DOCK4: variants seen among roughly 807,000 people sequenced by gnomAD.
The protein encoded by DOCK4 is dedicator of cytokinesis 4, also known as dedicator of cytokinesis protein 4.
Under a neutral mutation model 268.1 loss-of-function variants are expected in DOCK4, and 97 were observed. The ratio of observed to expected loss-of-function variants is 0.36; its 90% CI spans 0.31 to 0.43. The LOEUF is 0.43. Among genes scored for constraint, DOCK4 ranks in the 20% least tolerant of loss-of-function variants. The probability of loss-of-function intolerance (pLI) is 1.00; values close to 1 mark genes in which losing one functional copy is unlikely to be tolerated. For synonymous variants in DOCK4, 954 were observed against 887.2 expected (o/e 1.08, Z -1.34); for missense variants, 2,145 against 2,455.7 (o/e 0.87, Z 2.67).
At chr7:111,976,868 T>C (rs2135122517) in intron 8 of DOCK4, 1 of 292,646 alleles carries the variant, frequency 3.4e-6, no homozygotes, top group Non-Finnish European at 6.3e-6. Flanking sequence ...AAATAACAGA[T>C]TTGATATCCA....
intron 39 of DOCK4, among the ~76,000 whole-genome samples, chr7:111,760,738 T>TGTGTGTGTG (rs1797341789): frequency 1.5e-5 from 2 of 136,910 alleles, no homozygotes; most frequent in African/African-American, 5.6e-5. Flanking sequence ...TGTCTGCTTT[T>TGTGTGTGTG]TGTGTGTGTG....
intron 26 of DOCK4, among the ~76,000 whole-genome samples, chr7:111,828,122 A>G (rs1057352732): frequency 6.6e-6 from 1 of 152,134 alleles, no homozygotes; most frequent in Non-Finnish European, 1.5e-5. Context: ...AACATTACTG[A>G]CAACAGAAGG....
chr7:111,945,358 G>T (rs1217396871), intron 9 of DOCK4, among the ~76,000 whole-genome samples: 1 of 152,124 alleles, frequency 6.6e-6, no homozygotes, highest in Non-Finnish European at 1.5e-5. Context: ...GCTAATTTTT[G>T]TATTTTTAGT....
In DOCK4 at chr7:111,945,805, G is replaced by A; in HGVS notation, c.702-7C>T. On this transcript the variant is annotated splice_region_variant and splice_polypyrimidine_tract_variant and intron_variant, in intron 8 of 52. Transcript: ENST00000428084. ...CCTCAAGAAAAATCTCTCACTACAA[G>A]AGAAAAAATGTTTAACAATTTGAAA... 1 of 1,568,594 alleles carries A rather than the reference G, an allele frequency of 6.4e-7. No individual in the cohort carries two copies. Among genetic ancestry groups the A allele is most frequent in the Non-Finnish European group, 8.7e-7 (1 of 1,155,668 alleles).
chr7:111,743,345 G>T (rs10262913), intron 44 of DOCK4, among the ~76,000 whole-genome samples: 5 of 152,306 alleles, frequency 3.3e-5, no homozygotes, highest in African/African-American at 1.2e-4. Context: ...TGAAAGCTCA[G>T]GTCAAACAGG....
At chr7:111,752,584 T>G (rs1470235688) in intron 42 of DOCK4, among the ~76,000 whole-genome samples, 2 of 126,306 alleles carry the variant, frequency 1.6e-5, no homozygotes, top group African/African-American at 6.1e-5. Context: ...TTAGGTTTTT[T>G]TTTTTTTTTT....
intron 1 of DOCK4, among the ~76,000 whole-genome samples, chr7:112,204,408 G>A (rs1439595881): frequency 1.3e-5 from 2 of 152,174 alleles, no homozygotes; most frequent in African/African-American, 4.8e-5. Context: ...CTTAGGAGGC[G>A]ATGCCCTCGG....
chr7:112,012,348 A>G (rs1801408335), intron 1 of DOCK4, among the ~76,000 whole-genome samples: 1 of 152,156 alleles, frequency 6.6e-6, no homozygotes. Flanking sequence ...AGGCAGCAAA[A>G]AAAAAAAAAA....
chr7:112,060,926 T>C (rs557081238), intron 1 of DOCK4, among the ~76,000 whole-genome samples: 1 of 152,216 alleles, frequency 6.6e-6, no homozygotes, highest in Non-Finnish European at 1.5e-5. Context: ...ATGTACTTAA[T>C]ACCTCTGAAA....
At chr7:111,973,270 C>T (rs572704474) in intron 8 of DOCK4, among the ~76,000 whole-genome samples, 12 of 150,886 alleles carry the variant, frequency 8.0e-5, no homozygotes, top group Middle Eastern at 3.5e-3. Flanking sequence ...CTGTTAAAAA[C>T]ATGAGTGTGC....
chr7:111,958,393 G>A (rs1796601931), intron 8 of DOCK4, among the ~76,000 whole-genome samples: 1 of 152,192 alleles, frequency 6.6e-6, no homozygotes, highest in African/African-American at 2.4e-5. Flanking sequence ...TGTGACCATA[G>A]CTTATCCTGT....
At chr7:111,973,482 G>C (rs1318307311) in intron 8 of DOCK4, among the ~76,000 whole-genome samples, 1 of 152,108 alleles carries the variant, frequency 6.6e-6, no homozygotes, top group African/African-American at 2.4e-5. Flanking sequence ...GAATTTAAGA[G>C]GAAGAGGGAA....
chr7:111,728,510 C>A lies in DOCK4; in HGVS notation c.5692G>T (p.Gly1898Trp). The A allele has an allele frequency of 6.2e-7, 1 of 1,613,500 alleles. No individual in the cohort carries two copies. The highest frequency in any genetic ancestry group is 8.5e-7 in the Non-Finnish European group (1 of 1,179,844). Residue 1898 changes from glycine (G) to tryptophan (W), a missense_variant, in exon 53 of 53, where the codon GGG becomes TGG. Transcript: ENST00000428084. ...PVPVPVPSYGGEEPVRKESKT... is the reference protein window; with the variant it reads ...PVPVPVPSYGWEEPVRKESKT... ...CTCTCCTTGCGCACTGGCTCCTCCC[C>A]GCCGTAGCTCGGCACGGGCACCGGC...
chr7:111,841,152 G>GATTTATTT (rs10561221), intron 25 of DOCK4, among the ~76,000 whole-genome samples: 24 of 150,452 alleles, frequency 1.6e-4, no homozygotes, highest in African/African-American at 4.7e-4. Flanking sequence ...TATTTTCTCT[G>GATTTATTT]ATTTATTTAT....
At chr7:111,740,610 GT>G (rs1795842493) in intron 47 of DOCK4, among the ~76,000 whole-genome samples, 1 of 150,526 alleles carries the variant, frequency 6.6e-6, no homozygotes, top group Non-Finnish European at 1.5e-5. Context: ...GTACACACCT[GT>G]AATCCCAGCT....
chr7:111,939,487 C>T (rs1243808665), intron 11 of DOCK4, among the ~76,000 whole-genome samples: 1 of 149,604 alleles, frequency 6.7e-6, no homozygotes, highest in Non-Finnish European at 1.5e-5. Flanking sequence ...TGCACTCCAG[C>T]CTGGGCAACA....
chr7:111,941,644 A>T (rs1344623230), intron 10 of DOCK4, among the ~76,000 whole-genome samples: 1 of 141,236 alleles, frequency 7.1e-6, no homozygotes, highest in East Asian at 2.0e-4. Context: ...GCTCCTTATT[A>T]AAAAAAAAAA....
intron 8 of DOCK4, among the ~76,000 whole-genome samples, chr7:111,946,319 C>A (rs1045757375): frequency 1.3e-5 from 2 of 152,096 alleles, no homozygotes; most frequent in African/African-American, 4.8e-5. Context: ...GGTCAACAAA[C>A]GAACAGAAGA....
chr7:111,760,781 T>TGTGTGTGTGA lies in DOCK4; in HGVS notation c.4021-460_4021-459insTCACACACAC, dbSNP rs61045792. On this transcript the variant is annotated intron_variant, in intron 39 of 52. Coordinates refer to ENST00000428084, the MANE Select transcript of DOCK4 (RefSeq NM_001363540.2). The stretch of plus-strand genomic sequence containing the variant: ...GTGTGTGTGTGTGTGTGTGTGTGTG[T>TGTGTGTGTGA]GTATTCTGCCGTTCATGATGCTCTC... Among the ~76,000 whole-genome samples, 206 of 143,432 alleles carry TGTGTGTGTGA rather than the reference T, an allele frequency of 1.4e-3. 1 individual carries two copies. The highest frequency in any genetic ancestry group is 4.9e-3 in the African/African-American group (188 of 38,152). The allele number at this position is 143,432 out of a possible 152,430, so 94.1% of individuals were successfully genotyped here.
Sources: gnomAD v4.1 joint callset for allele counts (sites outside exome capture counted in the v4.1 genomes callset) on GRCh38, gnomAD v4.1.1 for gene constraint, MANE v1.5 for transcripts, NCBI Gene and HGNC (gene_info 2026-07-23, HGNC 2026-07-21) for gene names.